Variants in TMEM260 observed in about 807,000 individuals in gnomAD.
The protein encoded by TMEM260 is protein O-mannosyl-transferase TMEM260.
Under a neutral mutation model 88.9 loss-of-function variants are expected in TMEM260, and 82 were observed. The ratio of observed to expected loss-of-function variants is 0.92; its 90% CI spans 0.77 to 1.11. The LOEUF (loss-of-function observed/expected upper bound fraction) is 1.11. TMEM260 is among the 50% of genes least tolerant of loss of function. The pLI is 0.00. For synonymous variants in TMEM260, 314 were observed against 309.3 expected (o/e 1.02, Z -0.16); for missense variants, 902 against 853.4 (o/e 1.06, Z -0.71).
At chr14:56,585,670 G>A in intron 2 of TMEM260, 91 bp from the exon 3 acceptor site, 3 of 1,261,382 alleles carry the variant, frequency 2.4e-6, no homozygotes, top group Non-Finnish European at 3.3e-6. Context: ...CTTTATAGCT[G>A]CTTGAGAAAA....
chr14:56,610,108 ATAAT>A (rs897377705), intron 6 of TMEM260, among the ~76,000 whole-genome samples: 8 of 152,306 alleles, frequency 5.3e-5, no homozygotes, highest in Admixed American at 1.3e-4. Context: ...AAATAGGGAA[ATAAT>A]TAACACCAAA....
chr14:56,651,832 G>C (rs1273066695), downstream of TMEM260, among the ~76,000 whole-genome samples: 1 of 152,170 alleles, frequency 6.6e-6, no homozygotes, highest in Admixed American at 6.5e-5. Context: ...GATGGAAATG[G>C]CATAAAATTT....
At chr14:56,637,024 G>A (rs951683137) in intron 15 of TMEM260, among the ~76,000 whole-genome samples, 1 of 152,196 alleles carries the variant, frequency 6.6e-6, no homozygotes, top group Non-Finnish European at 1.5e-5. Context: ...AGAGGGCAGA[G>A]AGAGAGAAAC....
chr14:56,615,859 A>G (rs373336974), intron 7 of TMEM260, 85 bp from the exon 8 acceptor site: 1 of 976,732 alleles, frequency 1.0e-6, no homozygotes, highest in Non-Finnish European at 1.6e-6. Context: ...TCAGTATATA[A>G]TCAATGGTAT....
intron 15 of TMEM260, 74 bp from the exon 16 acceptor site, chr14:56,647,169 T>C: frequency 1.3e-6 from 2 of 1,487,030 alleles, no homozygotes; most frequent in Non-Finnish European, 1.8e-6. Flanking sequence ...TTAATTCCTC[T>C]GTGTTTTTTT....
At position 56,624,671 on chromosome 14, in the gene TMEM260, G is replaced by A. The variant is rs181451690; in HGVS notation, c.1399-711G>A. On this transcript the variant is annotated intron_variant, in intron 11 of 15. Coordinates refer to ENST00000261556, the MANE Select transcript of TMEM260 (RefSeq NM_017799.4). ...AGTGCCTTTTTTCTAGGAGCTCACA[G>A]TCTGGTGAGGAACAGGCTCTCATAG... Among the ~76,000 whole-genome samples, 143 of 152,286 alleles carry A rather than the reference G, an allele frequency of 9.4e-4. 1 individual carries two copies. The Middle Eastern group carries it at 0.01, about 11-fold the overall frequency.
chr14:56,654,448 C>CT (rs917749951), downstream of TMEM260, among the ~76,000 whole-genome samples: 1 of 152,160 alleles, frequency 6.6e-6, no homozygotes, highest in African/African-American at 2.4e-5. Context: ...TGGAATTAGA[C>CT]TTTACCTCCC....
At chr14:56,650,012 T>C, downstream of TMEM260, 1 of 425,798 alleles carries the variant, frequency 2.3e-6, no homozygotes, top group Non-Finnish European at 4.6e-6. Flanking sequence ...TCCTTTCCTT[T>C]CTATTAGGTG....
rs769253961 is a variant in TMEM260 at position 56,633,066 on chromosome 14, C to T, written c.1619C>T (p.Pro540Leu). The change falls in exon 13 of 16, where the codon CCA becomes CTA. Residue 540 changes from proline (P) to leucine (L), a missense_variant. Physicochemically the swap from Pro to Leu is moderately conservative, Grantham distance 98. Coordinates refer to ENST00000261556, the MANE Select transcript of TMEM260 (RefSeq NM_017799.4). ...TGGAAAAAGAACTATTCACTTTGGC[C>T]ATGGGGGTCTTGTGACAAATTAGTT... ...PTWKKNYSLWPWGSCDKLVPL... is the reference protein window; with the variant it reads ...PTWKKNYSLWLWGSCDKLVPL... 1.9e-6 allele frequency: 3 copies of T among 1,613,608 alleles called. No homozygotes were observed. The highest frequency in any genetic ancestry group is 2.7e-5 in the African/African-American group (2 of 74,842).
chr14:56,659,870 G>C, the TMEM260 span, among the ~76,000 whole-genome samples: 1 of 152,120 alleles, frequency 6.6e-6, no homozygotes, highest in Non-Finnish European at 1.5e-5. Context: ...ATTTTACTCA[G>C]CATGAAATTA....
At chr14:56,616,648 T>C (rs758132138) in intron 8 of TMEM260, among the ~76,000 whole-genome samples, 3 of 152,054 alleles carry the variant, frequency 2.0e-5, no homozygotes, top group Non-Finnish European at 4.4e-5. Context: ...TCCACTATTA[T>C]AAGTAATAAC....
chr14:56,630,175 AC>A (rs1261452035), intron 12 of TMEM260, among the ~76,000 whole-genome samples: 1 of 152,032 alleles, frequency 6.6e-6, no homozygotes. Flanking sequence ...CATTTTCAAG[AC>A]TTTTTATTTG....
chr14:56,644,315 A>C (rs1285106094), intron 15 of TMEM260, among the ~76,000 whole-genome samples: 2 of 152,216 alleles, frequency 1.3e-5, no homozygotes, highest in Non-Finnish European at 2.9e-5. Flanking sequence ...AATATAGACC[A>C]ATGGAACAGA....
downstream of TMEM260, among the ~76,000 whole-genome samples, chr14:56,651,197 C>T (rs775015192): frequency 3.9e-5 from 6 of 152,036 alleles, no homozygotes; most frequent in South Asian, 2.1e-4. Context: ...TTGTCAGCAC[C>T]CTCTCAAGGT....
chr14:56,647,169 T>G (rs947478910), intron 15 of TMEM260, 74 bp from the exon 16 acceptor site: 1 of 1,487,030 alleles, frequency 6.7e-7, no homozygotes, highest in Non-Finnish European at 9.0e-7. Context: ...TTAATTCCTC[T>G]GTGTTTTTTT....
chr14:56,631,484 A>G (rs1011460938), intron 12 of TMEM260, among the ~76,000 whole-genome samples: 6 of 152,044 alleles, frequency 3.9e-5, no homozygotes, highest in African/African-American at 1.4e-4. Flanking sequence ...TTAGCCAGGC[A>G]TGGTGGTGCG....
intron 3 of TMEM260, among the ~76,000 whole-genome samples, chr14:56,595,991 A>G (rs1158297376): frequency 6.6e-6 from 1 of 152,154 alleles, no homozygotes; most frequent in Non-Finnish European, 1.5e-5. Flanking sequence ...TATTTAAGAA[A>G]AAAAATCAAT....
chr14:56,658,404 T>A, the TMEM260 span, among the ~76,000 whole-genome samples: 3 of 151,948 alleles, frequency 2.0e-5, no homozygotes. Context: ...CCCGCCACCA[T>A]GCCCGGCTAA....
chr14:56,662,684 T>C, the TMEM260 span, among the ~76,000 whole-genome samples: 1 of 152,154 alleles, frequency 6.6e-6, no homozygotes, highest in South Asian at 2.1e-4. Context: ...CAATAGAAAA[T>C]GTAGGCTGTG....
Sources: allele counts gnomAD v4.1 joint callset (sites outside exome capture counted in the v4.1 genomes callset), GRCh38; gene constraint gnomAD v4.1.1; transcripts MANE v1.5; gene names NCBI Gene and HGNC (gene_info 2026-07-23, HGNC 2026-07-21).